The following DGKB variants were observed in gnomAD, a reference collection of about 807,000 sequenced individuals.
The protein encoded by DGKB is diacylglycerol kinase beta, also known as 90 kDa diacylglycerol kinase.
In DGKB, 67 loss-of-function variants were observed where a neutral mutation model predicts 114.3. The observed-to-expected ratio is 0.59, with a 90% CI of 0.48 to 0.72. The LOEUF is 0.72. Among genes scored for constraint, DGKB ranks in the 30% least tolerant of loss-of-function variants. The pLI is 0.00. For synonymous variants in DGKB, 398 were observed against 323.1 expected (o/e 1.23, Z -2.49); for missense variants, 907 against 975.2 (o/e 0.93, Z 0.93).
chr7:14,867,997 C>T (rs1174682894), intron 1 of DGKB, among the ~76,000 whole-genome samples: 4 of 152,092 alleles, frequency 2.6e-5, no homozygotes, highest in Non-Finnish European at 2.9e-5. Context: ...AAAAGAGATA[C>T]GGGAACAAAA....
intron 21 of DGKB, among the ~76,000 whole-genome samples, chr7:14,455,872 G>T (rs1832214587): frequency 6.6e-6 from 1 of 151,948 alleles, no homozygotes; most frequent in Non-Finnish European, 1.5e-5. Flanking sequence ...CAACTCCAAG[G>T]CAATGAAAGC....
chr7:14,766,657 G>A (rs908456724), intron 2 of DGKB, among the ~76,000 whole-genome samples: 1 of 151,824 alleles, frequency 6.6e-6, no homozygotes, highest in Non-Finnish European at 1.5e-5. Context: ...AACGAAATTT[G>A]AGTATAATTT....
At chr7:14,927,082 C>A (rs949356196) in intron 1 of DGKB, among the ~76,000 whole-genome samples, 1 of 151,956 alleles carries the variant, frequency 6.6e-6, no homozygotes. Context: ...TTTGTCTACA[C>A]CAAGCATCAA....
chr7:14,950,115 G>A (rs1486555178), intron 1 of DGKB, among the ~76,000 whole-genome samples: 6 of 150,336 alleles, frequency 4.0e-5, no homozygotes, highest in East Asian at 2.0e-4. Flanking sequence ...TAAAAAAAAA[G>A]AAAAAAAATG....
At chr7:14,573,733 T>C (rs1798714401) in intron 20 of DGKB, among the ~76,000 whole-genome samples, 1 of 151,980 alleles carries the variant, frequency 6.6e-6, no homozygotes, top group African/African-American at 2.4e-5. Context: ...AAGCCAGCCT[T>C]CTGACTTATT....
rs529650929 is a variant in DGKB, at chr7:14,313,322, C to G, written c.2122+25193G>C. On this transcript the variant is annotated intron_variant, in intron 23 of 25. Coordinates refer to ENST00000402815, the MANE Select transcript of DGKB (RefSeq NM_001350709.2). Reference sequence around the variant, plus strand: ...GGTCTACAGCTCCCAGCCTGAGCGACGCAGAAGACGGGTGATTTCTGCAAT... The same window carrying G: ...GGTCTACAGCTCCCAGCCTGAGCGAGGCAGAAGACGGGTGATTTCTGCAAT... Among the ~76,000 whole-genome samples, 15 of 152,184 alleles carry G rather than the reference C, an allele frequency of 9.9e-5. No individual in the cohort carries two copies. The South Asian group carries it at 2.5e-3, about 25-fold the overall frequency.
chr7:14,865,588 G>A (rs989699514), intron 1 of DGKB, among the ~76,000 whole-genome samples: 1 of 152,130 alleles, frequency 6.6e-6, no homozygotes, highest in South Asian at 2.1e-4. Flanking sequence ...TTTTTCCATT[G>A]TCTTTGTTAC....
chr7:14,782,615 T>C (rs1562522077), intron 2 of DGKB, among the ~76,000 whole-genome samples: 1 of 151,980 alleles, frequency 6.6e-6, no homozygotes. Context: ...ACACCAATAA[T>C]GATAAAATTG....
At chr7:14,483,080 C>T (rs1336454630) in intron 20 of DGKB, among the ~76,000 whole-genome samples, 3 of 151,576 alleles carry the variant, frequency 2.0e-5, no homozygotes, top group Non-Finnish European at 4.4e-5. Flanking sequence ...TCTATCTCTT[C>T]ATAAATTATG....
Position 14,194,876 on chromosome 7 carries a change from T to TCAACATATTGTCAACAC in DGKB, c.2123-16726_2123-16725insGTGTTGACAATATGTTG, listed in dbSNP as rs1416290854. ...AATAAGGAAAGACCAGAAATCACAG[T>TCAACATATTGTCAACAC]ACAGCATATTGTCAACAACCTCTCT... On this transcript the variant is annotated intron_variant, in intron 23 of 25. Transcript: ENST00000402815. 6.6e-3 allele frequency among the ~76,000 whole-genome samples: 1,001 copies of TCAACATATTGTCAACAC among 152,210 alleles called. 42 individuals are homozygous for TCAACATATTGTCAACAC. Among genetic ancestry groups the TCAACATATTGTCAACAC allele is most frequent in the Admixed American group, 0.062 (947 of 15,246 alleles).
chr7:14,481,096 C>T (rs1047979500), intron 20 of DGKB, among the ~76,000 whole-genome samples: 1 of 151,780 alleles, frequency 6.6e-6, no homozygotes, highest in Non-Finnish European at 1.5e-5. Flanking sequence ...GTTATTCAAA[C>T]AGTAAAAATG....
intron 13 of DGKB, among the ~76,000 whole-genome samples, chr7:14,657,587 C>T (rs1434532453): frequency 6.6e-6 from 1 of 151,734 alleles, no homozygotes. Flanking sequence ...AGTAACTTTG[C>T]TTAAAGGTTA....
chr7:14,864,126 T>G (rs1054458010), intron 1 of DGKB, among the ~76,000 whole-genome samples: 2 of 151,220 alleles, frequency 1.3e-5, no homozygotes, highest in Non-Finnish European at 3.0e-5. Flanking sequence ...AAAGGGAACA[T>G]TGACACTGGA....
chr7:14,280,820 T>G (rs1799824183), intron 23 of DGKB, among the ~76,000 whole-genome samples: 1 of 151,012 alleles, frequency 6.6e-6, no homozygotes, highest in South Asian at 2.1e-4. Context: ...TGAGAGATTT[T>G]GTCACCACCA....
intron 1 of DGKB, among the ~76,000 whole-genome samples, chr7:14,963,350 C>A (rs1786970090): frequency 6.6e-6 from 1 of 151,980 alleles, no homozygotes; most frequent in Non-Finnish European, 1.5e-5. Context: ...GTATGGTAGC[C>A]AGGGAAAATC....
chr7:14,799,468 T>A (rs1032969369), intron 2 of DGKB, among the ~76,000 whole-genome samples: 1 of 152,206 alleles, frequency 6.6e-6, no homozygotes, highest in Non-Finnish European at 1.5e-5. Context: ...AGTAAAACAC[T>A]TGTATTTCAG....
intron 20 of DGKB, among the ~76,000 whole-genome samples, chr7:14,502,553 T>G (rs1786367236): frequency 6.6e-6 from 1 of 152,110 alleles, no homozygotes; most frequent in South Asian, 2.1e-4. Flanking sequence ...GATTCATTTA[T>G]AATTCTGAAG....
intron 12 of DGKB, among the ~76,000 whole-genome samples, chr7:14,679,075 G>A (rs1204663047): frequency 6.6e-6 from 1 of 151,880 alleles, no homozygotes. Context: ...CAGGATTCTG[G>A]ATGTTTTTTT....
At chr7:14,334,731 T>G (rs181992861) in intron 23 of DGKB, among the ~76,000 whole-genome samples, 1 of 152,190 alleles carries the variant, frequency 6.6e-6, no homozygotes, top group Non-Finnish European at 1.5e-5. Flanking sequence ...CAATCAGTCA[T>G]TTGTACATTA....
Sources: allele counts gnomAD v4.1 joint callset (sites outside exome capture counted in the v4.1 genomes callset), GRCh38; gene constraint gnomAD v4.1.1; transcripts MANE v1.5; gene names NCBI Gene and HGNC (gene_info 2026-07-23, HGNC 2026-07-21).